Variants in VRK2 observed in about 807,000 individuals in gnomAD.
VRK2 encodes VRK serine/threonine kinase 2.
VRK2 carries 60 observed loss-of-function variants against 57.6 expected under a neutral mutation model. That is an observed-to-expected ratio of 1.04 (90% CI 0.85 to 1.29). VRK2 has a LOEUF of 1.29. VRK2 is among the 50% of genes most tolerant of loss of function. VRK2 has a pLI of 0.00. For synonymous variants in VRK2, 231 were observed against 199.2 expected (o/e 1.16, Z -1.35); for missense variants, 705 against 588.1 (o/e 1.20, Z -2.06).
chr2:57,999,242 C>T (rs939905555), intron 1 of VRK2, among the ~76,000 whole-genome samples: 1 of 152,088 alleles, frequency 6.6e-6, no homozygotes, highest in Non-Finnish European at 1.5e-5. Context: ...TATTTCAGGC[C>T]ATATAATGCA....
chr2:58,151,767 T>G (rs1683105942), intron 12 of VRK2, among the ~76,000 whole-genome samples: 2 of 126,688 alleles, frequency 1.6e-5, no homozygotes, highest in East Asian at 2.1e-4. Flanking sequence ...TTTTTTTTTT[T>G]GGTGGTCACT....
intron 1 of VRK2, among the ~76,000 whole-genome samples, chr2:57,968,940 C>G (rs1199115564): frequency 6.6e-6 from 1 of 152,126 alleles, no homozygotes; most frequent in African/African-American, 2.4e-5. Flanking sequence ...TTATATTAAT[C>G]TCTCTTTAAA....
chr2:58,040,780 G>C (rs1674424782), intron 3 of VRK2, among the ~76,000 whole-genome samples: 1 of 152,174 alleles, frequency 6.6e-6, no homozygotes, highest in Non-Finnish European at 1.5e-5. Flanking sequence ...GTTCACAGTA[G>C]GAGAGACAAA....
chr2:57,924,112 T>G (rs888797722), intron 1 of VRK2, among the ~76,000 whole-genome samples: 5 of 152,034 alleles, frequency 3.3e-5, no homozygotes, highest in Non-Finnish European at 7.4e-5. Context: ...ACCATGCCAT[T>G]TCGGTTACTA....
chr2:58,134,410 G>C (rs187128446), intron 9 of VRK2, among the ~76,000 whole-genome samples: 5 of 151,812 alleles, frequency 3.3e-5, no homozygotes, highest in African/African-American at 1.2e-4. Context: ...AGGAGATCGA[G>C]ACCATCCTGG....
intron 1 of VRK2, 50 bp downstream of exon 1, chr2:58,046,918 C>A (rs1370759205): frequency 1.0e-6 from 1 of 985,520 alleles, no homozygotes; most frequent in Non-Finnish European, 1.2e-6. Context: ...CCTCCGCTTG[C>A]AGTGCCGGAG....
intron 2 of VRK2, among the ~76,000 whole-genome samples, chr2:58,064,821 A>T (rs1668401798): frequency 6.6e-6 from 1 of 152,164 alleles, no homozygotes. Context: ...TTTCAAGTAT[A>T]CAAGAATTTA....
At chr2:57,992,827 C>T (rs1185346740) in intron 1 of VRK2, among the ~76,000 whole-genome samples, 2 of 152,298 alleles carry the variant, frequency 1.3e-5, no homozygotes, top group South Asian at 2.1e-4. Context: ...TGAGCCACCG[C>T]GCCCGGCCAG....
intron 2 of VRK2, among the ~76,000 whole-genome samples, chr2:58,028,903 A>AATAAATAAAT (rs1553378204): frequency 5.6e-5 from 3 of 54,022 alleles, no homozygotes; most frequent in South Asian, 9.0e-4. Context: ...TAAATAAATA[A>AATAAATAAAT]ATATATATAT....
intron 1 of VRK2, among the ~76,000 whole-genome samples, chr2:57,982,464 G>A (rs1672451437): frequency 6.6e-6 from 1 of 152,196 alleles, no homozygotes. Context: ...ACCAGCAGGG[G>A]AAGGCTGCAG....
intron 1 of VRK2, among the ~76,000 whole-genome samples, chr2:57,936,524 T>G (rs1362409980): frequency 6.8e-6 from 1 of 147,210 alleles, no homozygotes; most frequent in Non-Finnish European, 1.5e-5. Context: ...TTTTGTTTTG[T>G]TTTTTTGTTT....
Position 58,146,331 on chromosome 2 carries a change from G to T in VRK2, c.1039G>T (p.Ala347Ser), listed in dbSNP as rs1271024887. The change falls in exon 12 of 13, where the codon GCT becomes TCT. Residue 347 changes from alanine (A) to serine (S), a missense_variant. Physicochemically the swap from Ala to Ser is moderately conservative, Grantham distance 99. Transcript: ENST00000340157. The part of the protein sequence containing the change: ...PNSQKVDSQK[A>S]ATKQVNKAHN... ...ATACCAACAGGTTGATTCACAAAAG[G>T]CTGCAACAAAGCAAGTCAACAAGGC... is the stretch of plus-strand genomic sequence containing the variant. 3.7e-6 allele frequency: 6 copies of T among 1,609,310 alleles called. No homozygotes were observed. Among genetic ancestry groups the T allele is most frequent in the African/African-American group, 1.3e-5 (1 of 74,530 alleles).
intron 1 of VRK2, among the ~76,000 whole-genome samples, chr2:57,973,734 C>T (rs990031474): frequency 3.3e-5 from 5 of 151,094 alleles, no homozygotes; most frequent in Non-Finnish European, 5.9e-5. Context: ...TAAAATTTAA[C>T]GATAAAGAAA....
intron 2 of VRK2, among the ~76,000 whole-genome samples, chr2:58,052,625 C>T (rs1322112496): frequency 3.3e-5 from 5 of 150,572 alleles, no homozygotes; most frequent in Admixed American, 3.3e-4. Flanking sequence ...AAAAATGCTG[C>T]CATAGTGGAT....
chr2:57,998,375 A>T (rs1406280757), intron 1 of VRK2, among the ~76,000 whole-genome samples: 1 of 152,224 alleles, frequency 6.6e-6, no homozygotes, highest in Non-Finnish European at 1.5e-5. Context: ...TCCTTGATTT[A>T]GTAGCAGTTT....
At chr2:58,113,088 A>G (rs575451501) in intron 7 of VRK2, among the ~76,000 whole-genome samples, 6 of 152,214 alleles carry the variant, frequency 3.9e-5, no homozygotes, top group African/African-American at 1.2e-4. Flanking sequence ...AGGGAGGCAG[A>G]TCATGAGGTC....
chr2:57,963,471 T>TA (rs1671821668), intron 1 of VRK2, among the ~76,000 whole-genome samples: 1 of 152,232 alleles, frequency 6.6e-6, no homozygotes, highest in African/African-American at 2.4e-5. Flanking sequence ...CATTATTATA[T>TA]AATACGCAAA....
intron 4 of VRK2, among the ~76,000 whole-genome samples, chr2:58,085,866 C>T (rs1459636637): frequency 6.7e-6 from 1 of 149,402 alleles, no homozygotes; most frequent in African/African-American, 2.4e-5. Flanking sequence ...TAATCAAAAC[C>T]AGTTTTTGTA....
chr2:58,120,045 T>A (rs1433748539), intron 7 of VRK2, among the ~76,000 whole-genome samples: 1 of 151,858 alleles, frequency 6.6e-6, no homozygotes. Context: ...TTTCTTAGAG[T>A]GCATGCTCCT....
Sources: gnomAD v4.1 joint callset for allele counts (sites outside exome capture counted in the v4.1 genomes callset) on GRCh38, gnomAD v4.1.1 for gene constraint, MANE v1.5 for transcripts, NCBI Gene and HGNC (gene_info 2026-07-23, HGNC 2026-07-21) for gene names.